CDC20B: variants seen among roughly 807,000 people sequenced by gnomAD.
CDC20B encodes the protein cell division cycle 20B, also known as cell division cycle protein 20 homolog B.
CDC20B carries 58 observed loss-of-function variants against 64.1 expected under a neutral mutation model. That is an observed-to-expected ratio of 0.90 (90% CI 0.73 to 1.13). The LOEUF (loss-of-function observed/expected upper bound fraction) is 1.13, where lower values mean the gene tolerates loss of function less well. CDC20B is among the 50% of genes most tolerant of loss of function. CDC20B has a pLI of 0.00. For missense variants in CDC20B, 597 were observed against 633.0 expected (o/e 0.94, Z 0.61); for synonymous variants, 243 against 230.6 (o/e 1.05, Z -0.49).
At chr5:55,139,806 C>T (rs1743281516) in intron 5 of CDC20B, among the ~76,000 whole-genome samples, 1 of 152,068 alleles carries the variant, frequency 6.6e-6, no homozygotes, top group Non-Finnish European at 1.5e-5. Flanking sequence ...AGGAGGGTCA[C>T]TTGCGGCCAG....
intron 2 of CDC20B, chr5:55,164,531 C>T (rs559722312): frequency 5.9e-6 from 1 of 170,922 alleles, no homozygotes; most frequent in East Asian, 1.5e-4. Context: ...TCTGACCATA[C>T]TAAAGAATTC....
chr5:55,167,875 T>A (rs993416668), intron 2 of CDC20B, among the ~76,000 whole-genome samples: 6 of 151,826 alleles, frequency 4.0e-5, no homozygotes, highest in East Asian at 3.9e-4. Flanking sequence ...ACAAAAAAAA[T>A]TTTTAAATTA....
intron 2 of CDC20B, 127 bp from the exon 3 acceptor site, chr5:55,146,983 T>A (rs999075212): frequency 2.3e-6 from 1 of 427,992 alleles, no homozygotes. Context: ...ATGAGATTTT[T>A]TTAATTTTTG....
At chr5:55,134,297 C>T (rs1472800099) in intron 5 of CDC20B, among the ~76,000 whole-genome samples, 1 of 152,122 alleles carries the variant, frequency 6.6e-6, no homozygotes, top group East Asian at 1.9e-4. Context: ...AGCATGAGAG[C>T]TTCACAATGC....
At chr5:55,153,048 C>T (rs1431908279) in intron 2 of CDC20B, among the ~76,000 whole-genome samples, 3 of 151,650 alleles carry the variant, frequency 2.0e-5, no homozygotes, top group Non-Finnish European at 4.4e-5. Context: ...AGACCAGCCT[C>T]GACAATGTGG....
chr5:55,147,374 TTA>T (rs1452439215), intron 2 of CDC20B, among the ~76,000 whole-genome samples: 12 of 143,280 alleles, frequency 8.4e-5, no homozygotes, highest in East Asian at 7.9e-4. Flanking sequence ...CATAAGTATG[TTA>T]TGTTTTATAT....
chr5:55,128,417 G>A lies in CDC20B; in HGVS notation c.894+4C>T. On this transcript the variant is annotated splice_donor_region_variant and intron_variant, in intron 7 of 11. Transcript: ENST00000381375. ...TGATGAGAAAAAAAAAAACTGGCCA[G>A]TACTTGCACTTCTCCCTCGCTGGTG... is the stretch of plus-strand genomic sequence containing the variant. The A allele has an allele frequency of 6.3e-7, 1 of 1,595,554 alleles. No individual in the cohort carries two copies. Among genetic ancestry groups the A allele is most frequent in the Non-Finnish European group, 8.5e-7 (1 of 1,174,854 alleles).
At chr5:55,150,063 C>G (rs1743618347) in intron 2 of CDC20B, among the ~76,000 whole-genome samples, 1 of 152,048 alleles carries the variant, frequency 6.6e-6, no homozygotes, top group African/African-American at 2.4e-5. Flanking sequence ...ACCCAGGAGG[C>G]AGAGGTTGCA....
intron 10 of CDC20B, among the ~76,000 whole-genome samples, 188 bp from the exon 11 acceptor site, chr5:55,120,106 T>C (rs1260675030): frequency 2.0e-5 from 3 of 152,098 alleles, no homozygotes; most frequent in African/African-American, 7.2e-5. Flanking sequence ...AGTATACAAA[T>C]AGGCTTAGGT....
chr5:55,160,554 T>C, intron 2 of CDC20B: 1 of 587,434 alleles, frequency 1.7e-6, no homozygotes, highest in East Asian at 2.9e-5. Flanking sequence ...ACAGTTCTGA[T>C]AGTTTGCTTC....
chr5:55,157,308 G>T (rs1444803975), intron 2 of CDC20B, among the ~76,000 whole-genome samples: 1 of 152,204 alleles, frequency 6.6e-6, no homozygotes, highest in Non-Finnish European at 1.5e-5. Context: ...GAGAGATGAT[G>T]ACATCAAAAT....
chr5:55,172,825 C>T (rs974932734), intron 1 of CDC20B, 113 bp downstream of exon 1: 6 of 981,982 alleles, frequency 6.1e-6, no homozygotes, highest in Admixed American at 3.1e-5. Flanking sequence ...CTCAAATTTA[C>T]GACCAGGGCT....
intron 2 of CDC20B, among the ~76,000 whole-genome samples, chr5:55,158,853 C>T (rs996634688): frequency 2.0e-5 from 3 of 152,082 alleles, no homozygotes; most frequent in African/African-American, 7.2e-5. Context: ...CAGGCAACAG[C>T]CAGGGGAGGG....
intron 5 of CDC20B, chr5:55,136,686 G>C (rs1329202431): frequency 6.6e-6 from 1 of 152,100 alleles, no homozygotes; most frequent in Non-Finnish European, 1.5e-5. Flanking sequence ...ATGCTTACCA[G>C]AACTTATTCC....
chr5:55,160,614 G>A lies in CDC20B; in HGVS notation c.126+11974C>T. The A allele has an allele frequency of 5.6e-6, 3 of 534,980 alleles. No individual in the cohort carries two copies. In the South Asian group the frequency reaches 8.0e-5, roughly 14 times the overall value. The allele number at this position is 534,980 out of a possible 1,614,324, so 33.1% of individuals were successfully genotyped here. A position where few individuals can be genotyped will look rare whatever the true frequency, so the allele number is the denominator to read the frequency against. ...GTTTTCTTTAAAATGCTTTAATTTTGTGCTGAATTGACATGTAAAGTTGTT... is the reference window on the plus strand; with the variant it reads ...GTTTTCTTTAAAATGCTTTAATTTTATGCTGAATTGACATGTAAAGTTGTT... On this transcript the variant is annotated intron_variant, in intron 2 of 11. Transcript: ENST00000381375.
intron 4 of CDC20B, among the ~76,000 whole-genome samples, chr5:55,143,014 T>C (rs1035844898): frequency 6.6e-6 from 1 of 151,846 alleles, no homozygotes; most frequent in Admixed American, 6.6e-5. Flanking sequence ...CTATAATAAA[T>C]AAAAGATACC....
At chr5:55,155,655 C>T (rs538621638) in intron 2 of CDC20B, among the ~76,000 whole-genome samples, 1 of 152,334 alleles carries the variant, frequency 6.6e-6, no homozygotes, top group Admixed American at 6.5e-5. Context: ...CAATATGACC[C>T]ACACACTGTC....
intron 4 of CDC20B, 96 bp from the exon 5 acceptor site, chr5:55,140,503 C>A (rs1743301773): frequency 4.2e-6 from 3 of 721,586 alleles, no homozygotes; most frequent in Non-Finnish European, 4.5e-6. Context: ...TGGTAATTCA[C>A]TAAGGAGTTC....
rs1229958952 is a variant in CDC20B, at chr5:55,128,556, T to C, written c.759A>G (p.Val253=). 4 of 1,607,000 alleles carry C rather than the reference T, an allele frequency of 2.5e-6. No individual in the cohort carries two copies. Among genetic ancestry groups the C allele is most frequent in the Non-Finnish European group, 3.4e-6 (4 of 1,178,544 alleles). ...NLVAIALGSA[V]YIWNGENHNG... ...TGTGGTTCTCCCCATTCCAGATGTA[T>C]ACAGCAGAGCCCAGGGCTATGGCAA... Residue 253 remains valine, a synonymous_variant, in exon 7 of 12, where the codon GTA becomes GTG. Transcript: ENST00000381375.
Sources: gnomAD v4.1 joint callset for allele counts (sites outside exome capture counted in the v4.1 genomes callset) on GRCh38, gnomAD v4.1.1 for gene constraint, MANE v1.5 for transcripts, NCBI Gene and HGNC (gene_info 2026-07-23, HGNC 2026-07-21) for gene names.